SLC39A11: variants seen among roughly 807,000 people sequenced by gnomAD.
The protein encoded by SLC39A11 is solute carrier family 39 member 11.
In SLC39A11, 33 loss-of-function variants were observed where a neutral mutation model predicts 36.1. The observed-to-expected ratio is 0.91, with a 90% CI of 0.69 to 1.22. The LOEUF (loss-of-function observed/expected upper bound fraction) is 1.22, where lower values mean the gene tolerates loss of function less well. Ranked by LOEUF, SLC39A11 falls within the 50% of genes most tolerant of loss-of-function variation. The pLI, the probability that SLC39A11 is intolerant of heterozygous loss-of-function variation, is 0.00. For synonymous variants in SLC39A11, 166 were observed against 170.3 expected (o/e 0.97, Z 0.20); for missense variants, 432 against 430.3 (o/e 1.00, Z -0.03).
At chr17:72,661,140 C>A (rs2070397214) in intron 7 of SLC39A11, among the ~76,000 whole-genome samples, 1 of 152,172 alleles carries the variant, frequency 6.6e-6, no homozygotes, top group South Asian at 2.1e-4. Flanking sequence ...TGAGAACCAC[C>A]AGGCCTCAGC....
At position 72,953,282 on chromosome 17, in the gene SLC39A11, T is replaced by C. The variant is rs117402169; in HGVS notation, c.307-5407A>G. On this transcript the variant is annotated intron_variant, in intron 4 of 9. Transcript: ENST00000255559. ...ACTTCCACCCACTTTGGAAAGGCCA[T>C]GCAGAAAGGCAGGAGCTGAAGAAGA... Among the ~76,000 whole-genome samples, 212 of 151,680 alleles carry C rather than the reference T, an allele frequency of 1.4e-3. 1 individual carries two copies. The highest frequency in any genetic ancestry group is 2.4e-3 in the Non-Finnish European group (161 of 67,966).
intron 3 of SLC39A11, among the ~76,000 whole-genome samples, chr17:73,070,100 G>A (rs963906917): frequency 8.5e-5 from 13 of 152,172 alleles, no homozygotes; most frequent in African/African-American, 3.1e-4. Context: ...TGCATCAAGA[G>A]AGAATTCAAA....
At chr17:72,722,388 A>G (rs568242634) in intron 7 of SLC39A11, among the ~76,000 whole-genome samples, 90 of 152,342 alleles carry the variant, frequency 5.9e-4, no homozygotes, top group African/African-American at 2.0e-3. Flanking sequence ...TGCAGAGTCC[A>G]GATCATCTTG....
chr17:73,051,212 C>T (rs1306482649), intron 3 of SLC39A11, among the ~76,000 whole-genome samples: 1 of 152,104 alleles, frequency 6.6e-6, no homozygotes, highest in African/African-American at 2.4e-5. Context: ...AGTCACCCGG[C>T]CACCCTCACC....
At chr17:72,837,046 G>A (rs2078581489) in intron 6 of SLC39A11, among the ~76,000 whole-genome samples, 1 of 152,026 alleles carries the variant, frequency 6.6e-6, no homozygotes, top group Non-Finnish European at 1.5e-5. Flanking sequence ...TGCAAGTCGG[G>A]GCCCTGGTCT....
chr17:72,833,263 T>C (rs904089155), intron 6 of SLC39A11, among the ~76,000 whole-genome samples: 1 of 152,130 alleles, frequency 6.6e-6, no homozygotes, highest in Non-Finnish European at 1.5e-5. Context: ...CGATTATTAA[T>C]AACCGTCCTC....
At chr17:72,977,530 T>C (rs777205661) in intron 4 of SLC39A11, among the ~76,000 whole-genome samples, 6 of 152,086 alleles carry the variant, frequency 3.9e-5, no homozygotes, top group African/African-American at 9.7e-5. Flanking sequence ...AAACCTGTCT[T>C]GGATATCAGA....
At chr17:72,942,116 G>A (rs996893457) in intron 5 of SLC39A11, among the ~76,000 whole-genome samples, 6 of 151,022 alleles carry the variant, frequency 4.0e-5, no homozygotes, top group Non-Finnish European at 5.9e-5. Context: ...GGCTGGTCTC[G>A]AACTCCTGAC....
chr17:72,650,187 G>A (rs1336507314), intron 7 of SLC39A11, among the ~76,000 whole-genome samples: 2 of 152,178 alleles, frequency 1.3e-5, no homozygotes, highest in East Asian at 1.9e-4. Flanking sequence ...GCATTTCTTT[G>A]GGCCCCAGTG....
rs188334953 is a variant in SLC39A11, at chr17:72,747,339, C to T, written c.602-10620G>A. On this transcript the variant is annotated intron_variant, in intron 6 of 9. Coordinates refer to ENST00000255559, the MANE Select transcript of SLC39A11 (RefSeq NM_139177.4). ...CTAATTTTTGTATTTTTAGTAGAGGCGGGGTTTTTGCCATGTTGGCCAGGC... is the reference window on the plus strand; with the variant it reads ...CTAATTTTTGTATTTTTAGTAGAGGTGGGGTTTTTGCCATGTTGGCCAGGC... Among the ~76,000 whole-genome samples the T allele has an allele frequency of 6.1e-3, 932 of 152,184 alleles. 11 individuals carry two copies. The highest frequency in any genetic ancestry group is 0.02 in the African/African-American group (825 of 41,540).
intron 3 of SLC39A11, among the ~76,000 whole-genome samples, chr17:73,069,263 C>T (rs187498772): frequency 3.3e-5 from 5 of 152,298 alleles, no homozygotes; most frequent in East Asian, 1.9e-4. Context: ...TTGTTCATTA[C>T]GTTCTTAACA....
chr17:72,767,338 A>C (rs976851918), intron 6 of SLC39A11, among the ~76,000 whole-genome samples: 10 of 152,358 alleles, frequency 6.6e-5, no homozygotes, highest in Middle Eastern at 3.4e-3. Context: ...AAATGGTCCC[A>C]GAAGTTCCAG....
intron 7 of SLC39A11, among the ~76,000 whole-genome samples, chr17:72,709,221 A>G (rs1420054376): frequency 6.6e-6 from 1 of 152,004 alleles, no homozygotes; most frequent in East Asian, 1.9e-4. Context: ...TACAGGCGTG[A>G]GCCACCGCGC....
At chr17:72,822,591 A>G (rs1478480236) in intron 6 of SLC39A11, among the ~76,000 whole-genome samples, 1 of 151,240 alleles carries the variant, frequency 6.6e-6, no homozygotes, top group African/African-American at 2.4e-5. Context: ...ACTGTTGCTC[A>G]CCACACTCTA....
At chr17:72,925,674 CTT>C (rs1343964138) in intron 5 of SLC39A11, among the ~76,000 whole-genome samples, 4 of 152,236 alleles carry the variant, frequency 2.6e-5, no homozygotes, top group Non-Finnish European at 5.9e-5. Flanking sequence ...CAATGTCAGA[CTT>C]TGCCATATGA....
chr17:72,925,940 G>A (rs1351274125), intron 5 of SLC39A11, among the ~76,000 whole-genome samples: 2 of 152,210 alleles, frequency 1.3e-5, no homozygotes, highest in Non-Finnish European at 2.9e-5. Flanking sequence ...TGAGATTTGA[G>A]GTTTCCTTGC....
chr17:72,798,854 C>G (rs1255727961), intron 6 of SLC39A11, among the ~76,000 whole-genome samples: 1 of 152,088 alleles, frequency 6.6e-6, no homozygotes, highest in African/African-American at 2.4e-5. Context: ...CCAGAGCAAA[C>G]TGTCAGCATC....
chr17:72,700,782 A>G (rs1236061832), intron 7 of SLC39A11, among the ~76,000 whole-genome samples: 2 of 152,254 alleles, frequency 1.3e-5, no homozygotes, highest in African/African-American at 2.4e-5. Context: ...ACATGGCGGC[A>G]GACAAGAGAA....
chr17:72,695,614 C>CA (rs923121212), intron 7 of SLC39A11, among the ~76,000 whole-genome samples: 45 of 144,592 alleles, frequency 3.1e-4, no homozygotes, highest in African/African-American at 6.6e-4. Flanking sequence ...GATTTATTTA[C>CA]AAAAAAAAGG....
Sources: allele counts gnomAD v4.1 joint callset (sites outside exome capture counted in the v4.1 genomes callset), GRCh38; gene constraint gnomAD v4.1.1; transcripts MANE v1.5; gene names NCBI Gene and HGNC (gene_info 2026-07-23, HGNC 2026-07-21).